The following COL4A6 variants were observed in gnomAD, a reference collection of about 807,000 sequenced individuals.
COL4A6 encodes collagen alpha-6(IV) chain.
A neutral mutation model predicts 126.7 loss-of-function variants in COL4A6; 59 were observed. The observed-to-expected ratio is 0.47, with a 90% confidence interval of 0.38 to 0.58. COL4A6 has a LOEUF of 0.58. COL4A6 is among the 20% of genes least tolerant of loss of function. The pLI is 0.00. For synonymous variants in COL4A6, 547 were observed against 496.6 expected (o/e 1.10, Z -1.35); for missense variants, 1,285 against 1,337.3 (o/e 0.96, Z 0.61).
chrX:108,255,387 T>C (rs1353267938), intron 3 of COL4A6, among the ~76,000 whole-genome samples: 1 of 109,764 alleles, frequency 9.1e-6, no homozygotes, highest in Non-Finnish European at 1.9e-5. Flanking sequence ...GCAGCATTTC[T>C]CAAAGGGAAG....
At chrX:108,301,650 T>C (rs1366530874) in intron 3 of COL4A6, among the ~76,000 whole-genome samples, 7 of 111,579 alleles carry the variant, frequency 6.3e-5, no homozygotes, top group African/African-American at 2.3e-4. Flanking sequence ...AAATCTCAGT[T>C]ATGTCACTTA....
intron 2 of COL4A6, among the ~76,000 whole-genome samples, chrX:108,361,555 T>C (rs1198637454): frequency 3.6e-5 from 4 of 111,806 alleles, no homozygotes; most frequent in African/African-American, 1.3e-4. Context: ...CTAGGCCCAG[T>C]GCACTAAGTC....
intron 8 of COL4A6, 179 bp from the exon 9 acceptor site, chrX:108,206,759 C>G (rs778269122): frequency 9.3e-6 from 5 of 537,105 alleles, no homozygotes; most frequent in African/African-American, 4.5e-5. Flanking sequence ...TAGATTCAAA[C>G]AGTGGAATAA....
intron 2 of COL4A6, among the ~76,000 whole-genome samples, chrX:108,402,739 T>C (rs777803797): frequency 9.0e-6 from 1 of 111,322 alleles, no homozygotes; most frequent in African/African-American, 3.2e-5. Flanking sequence ...TTTCAATGTC[T>C]AAATGCATAG....
At chrX:108,429,478 T>C (rs138952921) in intron 2 of COL4A6, among the ~76,000 whole-genome samples, 163 of 111,829 alleles carry the variant, frequency 1.5e-3, no homozygotes, top group African/African-American at 5.0e-3. Context: ...GGACATTGTA[T>C]AGAACAAAAT....
Position 108,156,886 on chromosome X carries a change from G to T in COL4A6, c.*114C>A. The T allele has an allele frequency of 1.2e-6, 1 of 804,941 alleles. No homozygotes were observed. The highest frequency in any genetic ancestry group is 1.8e-6 in the Non-Finnish European group (1 of 550,399). 66.3% of individuals were successfully genotyped at this position (804,941 alleles called of 1,213,427 possible). ...AGTCTAGCCCAAATGAGACTCCAAT[G>T]TACAACTTGACAGGCAAAGGGGCTC... On this transcript the variant is annotated 3_prime_UTR_variant, in exon 45 of 45. Transcript: ENST00000334504.
Position 108,169,987 on chromosome X carries a change from G to T in COL4A6, c.3523C>A (p.Leu1175Met). The T allele has an allele frequency of 8.4e-7, 1 of 1,191,094 alleles. No individual in the cohort carries two copies. Among genetic ancestry groups the T allele is most frequent in the African/African-American group, 1.7e-5 (1 of 57,342 alleles). Residue 1175 changes from leucine to methionine, a missense_variant, in exon 36 of 45, where the codon CTG (leucine) becomes ATG (methionine). Leu to Met is a conservative substitution (Grantham distance 15). Transcript: ENST00000334504. ...CCCTTGGTGCCCGGAAGCCCATTCA[G>T]TCCATGTAAACCAGGAAATCCAGGG... is the stretch of plus-strand genomic sequence containing the variant. Reference protein sequence around the residue: ...GFPGFPGLHGLNGLPGTKGTH... With the variant: ...GFPGFPGLHGMNGLPGTKGTH...
intron 2 of COL4A6, among the ~76,000 whole-genome samples, chrX:108,343,165 AGTGTGT>A (rs55685604): frequency 9.5e-5 from 3 of 31,418 alleles, no homozygotes; most frequent in Non-Finnish European, 1.4e-4. Context: ...ATATATATAT[AGTGTGT>A]GTGTGTGTGT....
chrX:108,368,369 T>C (rs760457083), intron 2 of COL4A6, among the ~76,000 whole-genome samples: 2 of 111,275 alleles, frequency 1.8e-5, no homozygotes, highest in Non-Finnish European at 3.8e-5. Flanking sequence ...TATCCCTGTC[T>C]AGGGCACTTA....
At chrX:108,252,668 C>A (rs2036879839) in intron 3 of COL4A6, among the ~76,000 whole-genome samples, 5 of 94,570 alleles carry the variant, frequency 5.3e-5, no homozygotes, top group Admixed American at 4.4e-4. Context: ...GCCAGCATTA[C>A]CCTGATATTA....
intron 3 of COL4A6, among the ~76,000 whole-genome samples, chrX:108,263,986 T>A (rs1487156942): frequency 9.0e-6 from 1 of 111,440 alleles, no homozygotes. Flanking sequence ...ATGCATTGAG[T>A]GGGCATACAA....
chrX:108,214,121 G>A lies in COL4A6; in HGVS notation c.432C>T (p.Leu144=), dbSNP rs2295920. The A allele has an allele frequency of 7.2e-4, 861 of 1,203,358 alleles. 10 individuals carry two copies. In the East Asian group the frequency reaches 0.022, roughly 30 times the overall value. The change falls in exon 6 of 45, where the codon CTC becomes CTT. Residue 144 remains leucine (L), a synonymous_variant. Transcript: ENST00000334504. ...FPGPDGYPGL[L]GPPGLPGQKG... ...ATATCTGGCAGCATACGGGTGGTCC[G>A]AGAAGCCCAGGATAGCCATCAGGGC...
At chrX:108,201,644 G>A (rs2035394839) in intron 13 of COL4A6, among the ~76,000 whole-genome samples, 1 of 112,049 alleles carries the variant, frequency 8.9e-6, no homozygotes, top group African/African-American at 3.2e-5. Flanking sequence ...GAATCATTAT[G>A]ACATTCTCTC....
intron 15 of COL4A6, 165 bp from the exon 16 acceptor site, chrX:108,194,752 T>C (rs1357796215): frequency 4.2e-5 from 21 of 503,323 alleles, no homozygotes; most frequent in Non-Finnish European, 6.9e-5. Flanking sequence ...CAGAAGACAA[T>C]ACGGCAGTAG....
intron 2 of COL4A6, among the ~76,000 whole-genome samples, chrX:108,319,295 A>G (rs1017009825): frequency 2.7e-5 from 3 of 112,363 alleles, no homozygotes; most frequent in African/African-American, 9.7e-5. Context: ...ACTGGAGCCC[A>G]GGAGTTTGAG....
chrX:108,272,931 T>A (rs1161239318), intron 3 of COL4A6, among the ~76,000 whole-genome samples: 3 of 110,210 alleles, frequency 2.7e-5, no homozygotes, highest in Non-Finnish European at 5.7e-5. Flanking sequence ...CTTTCTTTTT[T>A]ATTTATTTTT....
At chrX:108,219,620 T>A in intron 5 of COL4A6, 78 bp downstream of exon 5, 1 of 890,427 alleles carries the variant, frequency 1.1e-6, no homozygotes. Context: ...AGACAGGATG[T>A]TGCTGAGGTC....
chrX:108,433,403 T>C (rs2064207342), intron 2 of COL4A6, among the ~76,000 whole-genome samples: 1 of 112,005 alleles, frequency 8.9e-6, no homozygotes, highest in African/African-American at 3.2e-5. Context: ...TAGTTTAATA[T>C]AGCCTGATGT....
chrX:108,222,307 T>G (rs750377787), intron 3 of COL4A6, among the ~76,000 whole-genome samples: 40 of 112,201 alleles, frequency 3.6e-4, no homozygotes, highest in Non-Finnish European at 7.0e-4. Flanking sequence ...GCATTACCTC[T>G]CAGAGAGCAC....
Sources: allele counts gnomAD v4.1 joint callset (sites outside exome capture counted in the v4.1 genomes callset), GRCh38; gene constraint gnomAD v4.1.1; transcripts MANE v1.5; gene names NCBI Gene and HGNC (gene_info 2026-07-23, HGNC 2026-07-21).